Variants in CLHC1 observed in about 807,000 individuals in gnomAD.
CLHC1 encodes clathrin heavy chain linker domain-containing protein 1.
In CLHC1, 72 loss-of-function variants were observed where a neutral mutation model predicts 69.5. The observed-to-expected ratio is 1.04, with a 90% CI of 0.86 to 1.26. The LOEUF is 1.26. Ranked by LOEUF, CLHC1 falls within the 50% of genes most tolerant of loss-of-function variation. CLHC1 has a pLI of 0.00. For missense variants in CLHC1, 790 were observed against 679.3 expected (o/e 1.16, Z -1.81); for synonymous variants, 223 against 224.3 (o/e 0.99, Z 0.05).
chr2:55,190,789 G>C (rs1670852336), intron 9 of CLHC1, among the ~76,000 whole-genome samples: 1 of 152,194 alleles, frequency 6.6e-6, no homozygotes, highest in African/African-American at 2.4e-5. Context: ...GGGGAGAAGG[G>C]AGGCTGGGGC....
At chr2:55,226,076 C>T (rs1278871656) in intron 2 of CLHC1, among the ~76,000 whole-genome samples, 1 of 151,868 alleles carries the variant, frequency 6.6e-6, no homozygotes, top group Non-Finnish European at 1.5e-5. Context: ...CCTGTAGTCC[C>T]AGCTACTCAG....
rs1378437051 is a variant in CLHC1, at chr2:55,175,212, TTCTC to T, written c.*574_*577del. The T allele has an allele frequency of 3.3e-5, 5 of 152,280 alleles. No individual in the cohort carries two copies. The East Asian group carries it at 9.6e-4, about 29-fold the overall frequency. The allele number at this position is 152,280 out of a possible 1,614,324, so 9.4% of individuals were successfully genotyped here. A position where few individuals can be genotyped will look rare whatever the true frequency, so the allele number is the denominator to read the frequency against. On this transcript the variant is annotated 3_prime_UTR_variant, in exon 13 of 13. Transcript: ENST00000401408. The stretch of plus-strand genomic sequence containing the variant: ...ACTTCTATGCAAAATTCGACTGGTC[TTCTC>T]TCTAAGTAATAACATGCCAAGAGTC...
In CLHC1 at chr2:55,181,083, C is replaced by A. The variant is rs139022396; in HGVS notation, c.1182-371G>T. Among the ~76,000 whole-genome samples the A allele has an allele frequency of 3.7e-3, 567 of 152,204 alleles. 3 individuals are homozygous for A. The highest frequency in any genetic ancestry group is 0.031 in the Middle Eastern group (9 of 294). Reference sequence around the variant, plus strand: ...GAAACCTCTGCCTCCCTGGTTCACACGATTCTCCTGCCTCAGCTTCCTGAG... The same window carrying A: ...GAAACCTCTGCCTCCCTGGTTCACAAGATTCTCCTGCCTCAGCTTCCTGAG... On this transcript the variant is annotated intron_variant, in intron 10 of 12. Coordinates refer to ENST00000401408, the MANE Select transcript of CLHC1 (RefSeq NM_152385.4).
At chr2:55,195,449 A>G (rs1265688294) in intron 9 of CLHC1, among the ~76,000 whole-genome samples, 1 of 152,238 alleles carries the variant, frequency 6.6e-6, no homozygotes, top group Admixed American at 6.5e-5. Context: ...AGGAAGGCAG[A>G]GCAAGATGAC....
chr2:55,188,333 G>A (rs1670609807), intron 9 of CLHC1, among the ~76,000 whole-genome samples: 1 of 151,934 alleles, frequency 6.6e-6, no homozygotes, highest in South Asian at 2.1e-4. Context: ...GGGTATATGT[G>A]TATACATATA....
chr2:55,217,552 AATATATATATATATATATATAT>A (rs781577612), intron 4 of CLHC1, among the ~76,000 whole-genome samples: 5 of 43,156 alleles, frequency 1.2e-4, no homozygotes, highest in African/African-American at 6.0e-4. Context: ...AAAAAAAAAA[AATATATATATATATATATATAT>A]ATATATATAT....
chr2:55,222,524 A>T, intron 2 of CLHC1, 31 bp from the exon 3 acceptor site: 1 of 733,972 alleles, frequency 1.4e-6, no homozygotes, highest in Non-Finnish European at 2.2e-6. Flanking sequence ...CAATTAATAT[A>T]ATAATTTTTT....
At position 55,181,587 on chromosome 2, in the gene CLHC1, A is replaced by G; in HGVS notation, c.1164T>C (p.Asn388=). The change falls in exon 10 of 13, where the codon AAT becomes AAC. Residue 388 remains asparagine, a synonymous_variant. Transcript: ENST00000401408. ...LSEKRLDLVT[N]WVTQERLTFS... is the part of the protein sequence containing the mutation. The stretch of plus-strand genomic sequence containing the variant: ...TTGCTTACCTTTCCTGTGTAACCCA[A>G]TTGGTAACTAAATCTAACCGTTTTT... The G allele has an allele frequency of 3.7e-6, 6 of 1,608,808 alleles. No individual in the cohort carries two copies. The highest frequency in any genetic ancestry group is 2.2e-5 in the South Asian group (2 of 89,506).
intron 1 of CLHC1, among the ~76,000 whole-genome samples, chr2:55,229,595 A>G: frequency 6.6e-6 from 1 of 152,214 alleles, no homozygotes; most frequent in East Asian, 1.9e-4. Context: ...TGTGCGGTTT[A>G]GAAAAAGAGG....
chr2:55,214,048 G>A (rs541867865), intron 4 of CLHC1, among the ~76,000 whole-genome samples: 1 of 152,242 alleles, frequency 6.6e-6, no homozygotes, highest in African/African-American at 2.4e-5. Context: ...GGGGGTTCTG[G>A]CTAAACTTGC....
intron 5 of CLHC1, among the ~76,000 whole-genome samples, chr2:55,210,329 G>T (rs1194749942): frequency 6.6e-6 from 1 of 151,980 alleles, no homozygotes; most frequent in East Asian, 1.9e-4. Context: ...CTGAGTAGCT[G>T]GGACTATAGG....
chr2:55,197,293 C>A (rs1671517761), intron 9 of CLHC1, among the ~76,000 whole-genome samples: 1 of 152,168 alleles, frequency 6.6e-6, no homozygotes, highest in Non-Finnish European at 1.5e-5. Context: ...GGAAAAAAAA[C>A]AAGCCTGGAT....
intron 3 of CLHC1, among the ~76,000 whole-genome samples, chr2:55,219,114 A>G (rs1189840958): frequency 1.3e-5 from 2 of 152,180 alleles, no homozygotes; most frequent in Non-Finnish European, 2.9e-5. Flanking sequence ...TCCTTAATAA[A>G]ATAGAGGTCA....
intron 9 of CLHC1, among the ~76,000 whole-genome samples, chr2:55,184,467 AAC>A (rs1282969691): frequency 1.3e-5 from 2 of 152,170 alleles, no homozygotes; most frequent in Non-Finnish European, 2.9e-5. Context: ...TTGCTCAAAG[AAC>A]ACAATGCAAG....
intron 2 of CLHC1, among the ~76,000 whole-genome samples, chr2:55,223,403 T>G (rs1398570479): frequency 2.6e-5 from 4 of 152,080 alleles, no homozygotes; most frequent in Non-Finnish European, 2.9e-5. Flanking sequence ...CCGCTTTCAG[T>G]AAAGAATCAT....
chr2:55,227,408 G>A (rs1380322200), intron 2 of CLHC1, among the ~76,000 whole-genome samples: 1 of 151,952 alleles, frequency 6.6e-6, no homozygotes, highest in Non-Finnish European at 1.5e-5. Flanking sequence ...AACCAGGCGC[G>A]GTGGCTCACG....
intron 12 of CLHC1, among the ~76,000 whole-genome samples, chr2:55,176,921 G>A (rs765914565): frequency 4.6e-5 from 7 of 152,102 alleles, no homozygotes; most frequent in African/African-American, 7.2e-5. Flanking sequence ...CACCCAGGCT[G>A]GAGTGCAGTG....
At chr2:55,224,414 G>T in intron 2 of CLHC1, 1 of 435,910 alleles carries the variant, frequency 2.3e-6, no homozygotes. Flanking sequence ...GGAAAGCTAT[G>T]TCACAAAGGA....
intron 1 of CLHC1, among the ~76,000 whole-genome samples, chr2:55,229,928 C>T (rs1181212194): frequency 3.9e-5 from 6 of 152,192 alleles, no homozygotes; most frequent in Non-Finnish European, 8.8e-5. Flanking sequence ...ACAAAATTAG[C>T]TGGGCGTGGT....
Sources: gnomAD v4.1 joint callset for allele counts (sites outside exome capture counted in the v4.1 genomes callset) on GRCh38, gnomAD v4.1.1 for gene constraint, MANE v1.5 for transcripts, NCBI Gene and HGNC (gene_info 2026-07-23, HGNC 2026-07-21) for gene names.